Variants in CLSTN2 observed in about 807,000 individuals in gnomAD.
CLSTN2 encodes the protein calsyntenin 2.
A neutral mutation model predicts 101.2 loss-of-function variants in CLSTN2; 48 were observed. The ratio of observed to expected loss-of-function variants is 0.47; its 90% CI spans 0.38 to 0.60. The LOEUF (loss-of-function observed/expected upper bound fraction) is 0.60. Ranked by LOEUF, CLSTN2 falls within the 20% of genes least tolerant of loss-of-function variation. CLSTN2 has a pLI of 0.00. For missense variants in CLSTN2, 1,160 were observed against 1,238.2 expected (o/e 0.94, Z 0.95); for synonymous variants, 481 against 463.6 (o/e 1.04, Z -0.48).
intron 1 of CLSTN2, among the ~76,000 whole-genome samples, chr3:140,038,504 CTGA>C (rs2007701954): frequency 6.6e-6 from 1 of 152,092 alleles, no homozygotes. Context: ...TCTGTTCACT[CTGA>C]TGATATTTTC....
At chr3:140,044,775 C>A (rs1221954361) in intron 1 of CLSTN2, among the ~76,000 whole-genome samples, 2 of 152,156 alleles carry the variant, frequency 1.3e-5, no homozygotes, top group African/African-American at 4.8e-5. Flanking sequence ...TTTTCTGCAT[C>A]TATTGAGATA....
chr3:140,226,961 C>T (rs1282070662), intron 2 of CLSTN2, among the ~76,000 whole-genome samples: 1 of 152,190 alleles, frequency 6.6e-6, no homozygotes, highest in Non-Finnish European at 1.5e-5. Context: ...AGGTCCCTCT[C>T]ATGATACTTG....
intron 8 of CLSTN2, among the ~76,000 whole-genome samples, chr3:140,520,223 C>G (rs1022742231): frequency 6.6e-6 from 1 of 152,172 alleles, no homozygotes; most frequent in Non-Finnish European, 1.5e-5. Context: ...TTCTCTCTGA[C>G]TGCTGTTAAC....
chr3:140,340,809 C>G (rs1340526281), intron 2 of CLSTN2, among the ~76,000 whole-genome samples: 4 of 152,184 alleles, frequency 2.6e-5, no homozygotes, highest in Admixed American at 2.6e-4. Context: ...TCTTCTTAGA[C>G]TCCTGTTGGC....
chr3:140,118,543 G>A (rs1285684020), intron 1 of CLSTN2, among the ~76,000 whole-genome samples: 1 of 151,404 alleles, frequency 6.6e-6, no homozygotes, highest in African/African-American at 2.4e-5. Context: ...GGTTACAAGG[G>A]GCAAAAATGG....
chr3:140,163,505 T>G (rs1277482865), intron 1 of CLSTN2, among the ~76,000 whole-genome samples: 1 of 151,962 alleles, frequency 6.6e-6, no homozygotes, highest in Admixed American at 6.6e-5. Flanking sequence ...CTATTGGTTC[T>G]GTTTCTCTGG....
chr3:140,406,790 G>A (rs1559860801), intron 4 of CLSTN2, among the ~76,000 whole-genome samples: 1 of 152,220 alleles, frequency 6.6e-6, no homozygotes, highest in South Asian at 2.1e-4. Flanking sequence ...ACAAGTGGAG[G>A]TATCTGTGCT....
At chr3:140,489,240 C>T (rs1934295084) in intron 8 of CLSTN2, among the ~76,000 whole-genome samples, 1 of 152,062 alleles carries the variant, frequency 6.6e-6, no homozygotes, top group South Asian at 2.1e-4. Context: ...TTCTGCACAG[C>T]TGGTAAGGTT....
intron 1 of CLSTN2, among the ~76,000 whole-genome samples, chr3:139,943,869 C>A (rs1935175968): frequency 6.6e-6 from 1 of 152,184 alleles, no homozygotes. Flanking sequence ...CTTCTGCCTT[C>A]ATCCTTACAA....
intron 2 of CLSTN2, among the ~76,000 whole-genome samples, chr3:140,332,155 A>G (rs2107929978): frequency 6.6e-6 from 1 of 152,306 alleles, no homozygotes; most frequent in Non-Finnish European, 1.5e-5. Context: ...GGAGGCAGTG[A>G]CAGATGATTA....
At chr3:140,438,308 A>G (rs2108002296) in intron 5 of CLSTN2, among the ~76,000 whole-genome samples, 1 of 151,916 alleles carries the variant, frequency 6.6e-6, no homozygotes, top group South Asian at 2.1e-4. Context: ...TGTATTCAAC[A>G]GACTCTGGAG....
chr3:140,169,156 A>T (rs1408225921), intron 1 of CLSTN2, among the ~76,000 whole-genome samples: 1 of 152,074 alleles, frequency 6.6e-6, no homozygotes, highest in Non-Finnish European at 1.5e-5. Context: ...ACCTCTTCAG[A>T]TCTTTAAATT....
chr3:140,149,351 CTG>C (rs1370200862), intron 1 of CLSTN2, among the ~76,000 whole-genome samples: 1 of 152,188 alleles, frequency 6.6e-6, no homozygotes, highest in East Asian at 1.9e-4. Flanking sequence ...CAAAGAAACT[CTG>C]TCACTGAAAT....
intron 2 of CLSTN2, among the ~76,000 whole-genome samples, chr3:140,266,249 C>T (rs1468896949): frequency 6.6e-6 from 1 of 152,076 alleles, no homozygotes; most frequent in Non-Finnish European, 1.5e-5. Context: ...AGTTCTTACC[C>T]ATATAGGCGA....
intron 2 of CLSTN2, among the ~76,000 whole-genome samples, chr3:140,229,360 C>T (rs1371895454): frequency 6.6e-6 from 1 of 152,140 alleles, no homozygotes; most frequent in Non-Finnish European, 1.5e-5. Flanking sequence ...AATCCAGGAA[C>T]AGTCCACTGT....
chr3:140,350,267 T>C (rs1043883141), intron 2 of CLSTN2, among the ~76,000 whole-genome samples: 9 of 152,230 alleles, frequency 5.9e-5, no homozygotes, highest in African/African-American at 2.2e-4. Context: ...TCCACGCTAA[T>C]CTCAGAAAAT....
At chr3:140,361,576 A>G (rs1203680243) in intron 2 of CLSTN2, among the ~76,000 whole-genome samples, 1 of 152,202 alleles carries the variant, frequency 6.6e-6, no homozygotes, top group Non-Finnish European at 1.5e-5. Flanking sequence ...ACCTGGATGT[A>G]GAAAATTCTA....
chr3:140,266,886 G>A (rs370102977), intron 2 of CLSTN2, among the ~76,000 whole-genome samples: 21 of 152,186 alleles, frequency 1.4e-4, no homozygotes, highest in African/African-American at 5.1e-4. Flanking sequence ...GGCATTTTAT[G>A]TGCCAACTCT....
At chr3:140,151,027 C>G (rs1213163908) in intron 1 of CLSTN2, among the ~76,000 whole-genome samples, 2 of 151,846 alleles carry the variant, frequency 1.3e-5, no homozygotes, top group African/African-American at 2.4e-5. Context: ...GTGATCTTCA[C>G]AATGGAAGGC....
Sources: allele counts gnomAD v4.1 joint callset (sites outside exome capture counted in the v4.1 genomes callset), GRCh38; gene constraint gnomAD v4.1.1; transcripts MANE v1.5; gene names NCBI Gene and HGNC (gene_info 2026-07-23, HGNC 2026-07-21).